Variants in SESTD1 observed in about 807,000 individuals in gnomAD.
SESTD1 encodes SEC14 domain and spectrin repeat-containing protein 1.
A neutral mutation model predicts 101.7 loss-of-function variants in SESTD1; 43 were observed. The ratio of observed to expected loss-of-function variants is 0.42; its 90% CI spans 0.33 to 0.55. The LOEUF is 0.55. Among genes scored for constraint, SESTD1 ranks in the 20% least tolerant of loss-of-function variants. SESTD1 has a pLI of 0.07. For synonymous variants in SESTD1, 283 were observed against 286.8 expected (o/e 0.99, Z 0.13); for missense variants, 647 against 815.1 (o/e 0.79, Z 2.51).
At position 179,109,688 on chromosome 2, in the gene SESTD1, T is replaced by C; in HGVS notation, c.*211A>G. On this transcript the variant is annotated 3_prime_UTR_variant, in exon 18 of 18. Coordinates refer to ENST00000428443, the MANE Select transcript of SESTD1 (RefSeq NM_178123.5). ...AGTGCAATGTTTATAGTTCCTTCTT[T>C]TAAGATACTTGGAATCTACAGCCTC... 1.8e-6 allele frequency: 1 copy of C among 566,240 alleles called. No homozygotes were observed. The highest frequency in any genetic ancestry group is 2.9e-5 in the East Asian group (1 of 35,028). The allele number at this position is 566,240 out of a possible 1,614,324, so 35.1% of individuals were successfully genotyped here.
intron 9 of SESTD1, among the ~76,000 whole-genome samples, chr2:179,142,405 A>C (rs1397731497): frequency 1.3e-5 from 2 of 152,206 alleles, no homozygotes; most frequent in Non-Finnish European, 2.9e-5. Context: ...GTTTCAATTA[A>C]GCAAAGAAGG....
chr2:179,179,622 C>A (rs536490067), intron 3 of SESTD1, among the ~76,000 whole-genome samples: 49 of 152,276 alleles, frequency 3.2e-4, no homozygotes, highest in Middle Eastern at 3.4e-3. Flanking sequence ...AATATGCTTC[C>A]AGAAAGCAAG....
chr2:179,172,737 G>A (rs567340028), intron 4 of SESTD1, among the ~76,000 whole-genome samples: 3 of 152,200 alleles, frequency 2.0e-5, no homozygotes, highest in Admixed American at 6.5e-5. Flanking sequence ...AATCTTTGAC[G>A]AATACAATTT....
chr2:179,140,633 T>C (rs1378299677), intron 9 of SESTD1, among the ~76,000 whole-genome samples: 2 of 152,162 alleles, frequency 1.3e-5, no homozygotes, highest in East Asian at 1.9e-4. Flanking sequence ...CATTACTCTA[T>C]TTCTCATCTT....
intron 5 of SESTD1, among the ~76,000 whole-genome samples, chr2:179,157,948 A>T (rs2045662045): frequency 6.6e-6 from 1 of 152,102 alleles, no homozygotes; most frequent in African/African-American, 2.4e-5. Context: ...AAATACCCTA[A>T]ATGTCATGGC....
intron 2 of SESTD1, among the ~76,000 whole-genome samples, chr2:179,186,720 C>T (rs1473035917): frequency 2.1e-5 from 3 of 140,394 alleles, no homozygotes; most frequent in Admixed American, 7.5e-5. Context: ...CGGAGTCTTG[C>T]TCTGTCGCCC....
intron 1 of SESTD1, among the ~76,000 whole-genome samples, chr2:179,196,801 C>G (rs2105502922): frequency 1.3e-5 from 2 of 152,274 alleles, no homozygotes; most frequent in Middle Eastern, 6.8e-3. Context: ...ACCAAAAACC[C>G]ATCTGTACAT....
chr2:179,203,980 TC>T (rs1157038805), intron 1 of SESTD1, among the ~76,000 whole-genome samples: 2 of 134,730 alleles, frequency 1.5e-5, no homozygotes, highest in Admixed American at 7.2e-5. Flanking sequence ...ATCTGATAAC[TC>T]CATGCACTTA....
chr2:179,175,667 G>C (rs1234681833), intron 4 of SESTD1, among the ~76,000 whole-genome samples: 1 of 152,156 alleles, frequency 6.6e-6, no homozygotes, highest in Non-Finnish European at 1.5e-5. Context: ...TTCTACAGAA[G>C]GCCAAGTGCA....
At chr2:179,132,519 A>G (rs2105428491) in intron 9 of SESTD1, 93 bp from the exon 10 acceptor site, 2 of 1,363,096 alleles carry the variant, frequency 1.5e-6, no homozygotes, top group Non-Finnish European at 2.0e-6. Flanking sequence ...AAGTTCCCCA[A>G]TTATTTTTAA....
intron 1 of SESTD1, among the ~76,000 whole-genome samples, chr2:179,229,222 T>C (rs2046938274): frequency 6.6e-6 from 1 of 152,208 alleles, no homozygotes; most frequent in Non-Finnish European, 1.5e-5. Context: ...AGCATTTGAA[T>C]TTGTGGAATA....
rs1353481333 is a variant in SESTD1 at position 179,105,748 on chromosome 2, TTC to T, written c.*4149_*4150del. The T allele has an allele frequency of 1.3e-5, 2 of 152,226 alleles. No individual in the cohort carries two copies. Among genetic ancestry groups the T allele is most frequent in the African/African-American group, 4.8e-5 (2 of 41,460 alleles). 9.4% of individuals were successfully genotyped at this position (152,226 alleles called of 1,614,324 possible). A position where few individuals can be genotyped will look rare whatever the true frequency, so the allele number is the denominator to read the frequency against. On this transcript the variant is annotated 3_prime_UTR_variant, in exon 18 of 18. Coordinates refer to ENST00000428443, the MANE Select transcript of SESTD1 (RefSeq NM_178123.5). Reference sequence around the variant, plus strand: ...ATTTTATTCTTGAAATTGGTATGACTTCTCTGTTTTACAGCCTGAGATAAATT... The same window carrying T: ...ATTTTATTCTTGAAATTGGTATGACTTCTGTTTTACAGCCTGAGATAAATT...
In SESTD1 at chr2:179,109,855, C is replaced by A. The variant is rs745654466; in HGVS notation, c.*44G>T. The A allele has an allele frequency of 6.2e-7, 1 of 1,605,828 alleles. No individual in the cohort carries two copies. Among genetic ancestry groups the A allele is most frequent in the South Asian group, 1.1e-5 (1 of 90,326 alleles). On this transcript the variant is annotated 3_prime_UTR_variant, in exon 18 of 18. Transcript: ENST00000428443. Reference sequence around the variant, plus strand: ...GGCTAATGCTGTAGTATGTTGACAACATGCGGGATTATGAACTGCAAATCT... The same window carrying A: ...GGCTAATGCTGTAGTATGTTGACAAAATGCGGGATTATGAACTGCAAATCT...
intron 5 of SESTD1, among the ~76,000 whole-genome samples, chr2:179,170,729 G>A (rs748097458): frequency 1.3e-5 from 2 of 152,122 alleles, no homozygotes; most frequent in Non-Finnish European, 2.9e-5. Flanking sequence ...AACTTTCATG[G>A]CCACTCCTCT....
chr2:179,230,163 T>C lies in SESTD1; in HGVS notation c.-26+34336A>G, dbSNP rs369679511. ...TTTTTTTTTTTTTTGAGACAGGGTC[T>C]CACTCTGTCACCCAGGGTGGAATGC... On this transcript the variant is annotated intron_variant, in intron 1 of 17. Coordinates refer to ENST00000428443, the MANE Select transcript of SESTD1 (RefSeq NM_178123.5). 1.0e-4 allele frequency among the ~76,000 whole-genome samples: 12 copies of C among 115,092 alleles called. No homozygotes were observed. The East Asian group carries it at 2.9e-3, about 28-fold the overall frequency. 75.5% of individuals were successfully genotyped at this position (115,092 alleles called of 152,430 possible).
intron 3 of SESTD1, among the ~76,000 whole-genome samples, chr2:179,182,346 C>T (rs1037863818): frequency 1.3e-5 from 2 of 152,062 alleles, no homozygotes; most frequent in Non-Finnish European, 2.9e-5. Flanking sequence ...TAGAAATACA[C>T]AGGAAGCTTA....
chr2:179,116,931 C>G, intron 14 of SESTD1, 141 bp from the exon 15 acceptor site: 1 of 1,146,976 alleles, frequency 8.7e-7, no homozygotes, highest in Non-Finnish European at 1.2e-6. Flanking sequence ...TTATTTCATT[C>G]AATGATAAGC....
intron 13 of SESTD1, among the ~76,000 whole-genome samples, chr2:179,120,676 C>T (rs774279343): frequency 2.0e-5 from 3 of 152,072 alleles, no homozygotes; most frequent in South Asian, 4.1e-4. Context: ...GCATTTATTA[C>T]GTTGGTAATG....
At chr2:179,264,119 T>TTCGGC (rs1559168494) in intron 1 of SESTD1, 1 of 152,158 alleles carries the variant, frequency 6.6e-6, no homozygotes, top group African/African-American at 2.4e-5. Context: ...CGCCCAAACC[T>TTCGGC]GTTGCACAAT....
Sources: allele counts gnomAD v4.1 joint callset (sites outside exome capture counted in the v4.1 genomes callset), GRCh38; gene constraint gnomAD v4.1.1; transcripts MANE v1.5; gene names NCBI Gene and HGNC (gene_info 2026-07-23, HGNC 2026-07-21).